Variants in RYR3 observed in about 807,000 individuals in gnomAD.
The protein encoded by RYR3 is ryanodine receptor 3, also known as brain ryanodine receptor-calcium release channel.
A neutral mutation model predicts 584.3 loss-of-function variants in RYR3; 207 were observed. The ratio of observed to expected loss-of-function variants is 0.35; its 90% CI spans 0.32 to 0.40. The LOEUF (loss-of-function observed/expected upper bound fraction) is 0.40. Ranked by LOEUF, RYR3 falls within the 10% of genes least tolerant of loss-of-function variation. The pLI, the probability that RYR3 is intolerant of heterozygous loss-of-function variation, is 1.00. For synonymous variants in RYR3, 2,416 were observed against 2,248.5 expected (o/e 1.07, Z -2.11); for missense variants, 5,616 against 6,089.2 (o/e 0.92, Z 2.59).
chr15:33,807,531 C>A (rs1165690142), intron 69 of RYR3, 24 bp from the exon 70 acceptor site: 1 of 1,551,596 alleles, frequency 6.4e-7, no homozygotes, highest in African/African-American at 1.4e-5. Flanking sequence ...CTCCTTGTTT[C>A]TTTTCTTTTG....
In RYR3 at chr15:33,738,591, G is replaced by A. The variant is rs752063233; in HGVS notation, c.7656+1G>A. The A allele has an allele frequency of 1.2e-6, 2 of 1,613,906 alleles. No homozygotes were observed. The highest frequency in any genetic ancestry group is 1.1e-5 in the South Asian group (1 of 91,068). On this transcript the variant is annotated splice_donor_variant, in intron 50 of 103. Coordinates refer to ENST00000634891, the MANE Select transcript of RYR3 (RefSeq NM_001036.6). LOFTEE classifies it high-confidence loss of function. ...GATTTTTGACTCGCTCTCCCATAAG[G>A]TAATGACAGTACTTTCTGAACAAAA...
chr15:33,331,402 A>G (rs1322779811), intron 1 of RYR3, among the ~76,000 whole-genome samples: 1 of 152,176 alleles, frequency 6.6e-6, no homozygotes, highest in African/African-American at 2.4e-5. Context: ...AGCTAATTCC[A>G]CATTTTATAA....
At chr15:33,581,691 T>C in intron 14 of RYR3, 48 bp downstream of exon 14, 4 of 1,548,012 alleles carry the variant, frequency 2.6e-6, no homozygotes, top group Middle Eastern at 1.7e-4. Flanking sequence ...TCCATGGGAT[T>C]TCCACGTGCA....
chr15:33,821,642 A>G, intron 80 of RYR3, 40 bp downstream of exon 80: 1 of 1,590,660 alleles, frequency 6.3e-7, no homozygotes, highest in South Asian at 1.1e-5. Context: ...CTCCCGGGGT[A>G]TTCCCATTTG....
intron 67 of RYR3, among the ~76,000 whole-genome samples, chr15:33,798,523 G>A (rs1485511196): frequency 1.3e-5 from 2 of 152,150 alleles, no homozygotes; most frequent in Non-Finnish European, 2.9e-5. Context: ...CAGGAGAAAG[G>A]CAAAAAGACA....
intron 32 of RYR3, among the ~76,000 whole-genome samples, chr15:33,658,494 A>G (rs1296964179): frequency 6.6e-6 from 1 of 152,260 alleles, no homozygotes; most frequent in Non-Finnish European, 1.5e-5. Context: ...GTTTGCTGAA[A>G]GCAAGACACA....
intron 5 of RYR3, among the ~76,000 whole-genome samples, chr15:33,538,610 A>G (rs1395095565): frequency 6.6e-6 from 1 of 152,160 alleles, no homozygotes; most frequent in African/African-American, 2.4e-5. Context: ...AGGGCAGGGA[A>G]AGGCATCAGG....
chr15:33,383,296 A>G (rs1327731842), intron 1 of RYR3, among the ~76,000 whole-genome samples: 2 of 146,926 alleles, frequency 1.4e-5, no homozygotes, highest in East Asian at 2.0e-4. Flanking sequence ...GCAACTGGCT[A>G]TCTAGTGTTG....
intron 95 of RYR3, 108 bp from the exon 96 acceptor site, chr15:33,853,446 AC>A: frequency 7.4e-7 from 1 of 1,345,752 alleles, no homozygotes; most frequent in Non-Finnish European, 9.9e-7. Flanking sequence ...GTCTTCATCT[AC>A]CCCTTGGAAG....
At chr15:33,681,962 G>A (rs2064659013) in intron 38 of RYR3, among the ~76,000 whole-genome samples, 1 of 152,196 alleles carries the variant, frequency 6.6e-6, no homozygotes, top group African/African-American at 2.4e-5. Flanking sequence ...TGGCCACTTG[G>A]ACTGTGATCT....
At chr15:33,646,321 T>C in intron 28 of RYR3, 30 bp from the exon 29 acceptor site, 1 of 1,560,006 alleles carries the variant, frequency 6.4e-7, no homozygotes, top group South Asian at 1.2e-5. Flanking sequence ...CCCTTTGGTA[T>C]GTCAAGGTAA....
intron 15 of RYR3, among the ~76,000 whole-genome samples, chr15:33,585,641 C>G (rs1261461423): frequency 6.6e-6 from 1 of 152,134 alleles, no homozygotes; most frequent in African/African-American, 2.4e-5. Context: ...TGGACGTCTT[C>G]TCTTGTATCT....
chr15:33,805,636 C>G (rs1356092090), intron 69 of RYR3, among the ~76,000 whole-genome samples: 1 of 151,886 alleles, frequency 6.6e-6, no homozygotes, highest in Non-Finnish European at 1.5e-5. Context: ...CGCCACCACG[C>G]CCGGCTAATT....
intron 18 of RYR3, 69 bp from the exon 19 acceptor site, chr15:33,613,114 C>T (rs2060278562): frequency 7.8e-7 from 1 of 1,274,516 alleles, no homozygotes; most frequent in African/African-American, 1.5e-5. Context: ...GCAGAGGCCT[C>T]TGAGCCTTTC....
chr15:33,425,696 A>C (rs1156833614), intron 1 of RYR3, among the ~76,000 whole-genome samples: 26 of 134,680 alleles, frequency 1.9e-4, no homozygotes, highest in South Asian at 1.2e-3. Flanking sequence ...GGCTGGAGTG[A>C]ATTGCCGTGA....
intron 39 of RYR3, 80 bp downstream of exon 39, chr15:33,696,571 G>T (rs1332879210): frequency 1.6e-5 from 22 of 1,389,126 alleles, no homozygotes; most frequent in Non-Finnish European, 2.0e-5. Flanking sequence ...TAGAGATATA[G>T]TGGAATCAAA....
chr15:33,542,219 C>T (rs1186040290), intron 7 of RYR3, among the ~76,000 whole-genome samples: 1 of 152,038 alleles, frequency 6.6e-6, no homozygotes, highest in East Asian at 1.9e-4. Context: ...TGCTGCTTTC[C>T]TGACTATGGC....
intron 53 of RYR3, among the ~76,000 whole-genome samples, 190 bp downstream of exon 53, chr15:33,746,347 T>C (rs990973795): frequency 2.6e-5 from 4 of 152,266 alleles, no homozygotes; most frequent in Non-Finnish European, 4.4e-5. Context: ...CCAGCCTCAC[T>C]TTCTGTTCTT....
intron 38 of RYR3, among the ~76,000 whole-genome samples, chr15:33,688,572 CAAA>C (rs34312921): frequency 1.1e-4 from 7 of 63,640 alleles, no homozygotes; most frequent in East Asian, 3.0e-4. Flanking sequence ...GACTCCATCT[CAAA>C]AAAAAAAAAA....
Sources: gnomAD v4.1 joint callset for allele counts (sites outside exome capture counted in the v4.1 genomes callset) on GRCh38, gnomAD v4.1.1 for gene constraint, MANE v1.5 for transcripts, NCBI Gene and HGNC (gene_info 2026-07-23, HGNC 2026-07-21) for gene names.